CDH7: variants seen among roughly 807,000 people sequenced by gnomAD.
CDH7 encodes cadherin-7.
Under a neutral mutation model 71.8 loss-of-function variants are expected in CDH7, and 25 were observed. The ratio of observed to expected loss-of-function variants is 0.35; its 90% confidence interval spans 0.25 to 0.49. CDH7 has a LOEUF of 0.49. Among genes scored for constraint, CDH7 ranks in the 20% least tolerant of loss-of-function variants. CDH7 has a pLI of 0.99. For synonymous variants in CDH7, 381 were observed against 363.8 expected, an observed-to-expected ratio of 1.05 and a Z score of -0.54; for missense variants, 862 against 974.6, an observed-to-expected ratio of 0.88 and a Z score of 1.54.
At chr18:65,769,559 A>G (rs1916481291) in intron 2 of CDH7, among the ~76,000 whole-genome samples, 1 of 152,202 alleles carries the variant, frequency 6.6e-6, no homozygotes, top group Non-Finnish European at 1.5e-5. Context: ...GTACAATACT[A>G]TTTACTGATT....
intron 2 of CDH7, among the ~76,000 whole-genome samples, chr18:65,781,794 CCT>C (rs1910216007): frequency 5.5e-5 from 4 of 72,380 alleles, no homozygotes; most frequent in African/African-American, 3.7e-4. Flanking sequence ...TTCCTTCCTT[CCT>C]TCCTTCCTTC....
rs761401346 is a variant in CDH7 at position 65,881,201 on chromosome 18, A to T, written c.*307A>T. 10 of 220,022 alleles carry T rather than the reference A, an allele frequency of 4.5e-5. No homozygotes were observed. Among genetic ancestry groups the T allele is most frequent in the Non-Finnish European group, 8.1e-5 (9 of 110,978 alleles). The allele number at this position is 220,022 out of a possible 1,614,324, so 13.6% of individuals were successfully genotyped here. ...TCTCATATACCTGCAAAGGCACCAA[A>T]CCTCTATGAGAAAGTAGTGCCCTGT... On this transcript the variant is annotated 3_prime_UTR_variant, in exon 12 of 12. Transcript: ENST00000397968.
intron 2 of CDH7, among the ~76,000 whole-genome samples, chr18:65,791,257 T>C (rs567847792): frequency 1.8e-3 from 272 of 152,326 alleles, no homozygotes; most frequent in Middle Eastern, 0.01. Flanking sequence ...TGTTACAATG[T>C]TACACATTTA....
At chr18:65,797,073 C>T (rs997223205) in intron 2 of CDH7, among the ~76,000 whole-genome samples, 2 of 152,102 alleles carry the variant, frequency 1.3e-5, no homozygotes, top group Admixed American at 6.5e-5. Context: ...GTGATGTGGT[C>T]CACTCTCTCC....
intron 2 of CDH7, among the ~76,000 whole-genome samples, chr18:65,778,271 C>CAAAA (rs148841669): frequency 1.1e-4 from 9 of 84,338 alleles, no homozygotes; most frequent in East Asian, 4.1e-4. Flanking sequence ...GACTCTGTCT[C>CAAAA]AAAAAAAAAA....
intron 7 of CDH7, among the ~76,000 whole-genome samples, chr18:65,845,011 G>C (rs1912886861): frequency 6.6e-6 from 1 of 151,916 alleles, no homozygotes; most frequent in Non-Finnish European, 1.5e-5. Context: ...AATGGTAAGT[G>C]CTTTTGAACT....
chr18:65,762,990 G>A lies in CDH7; in HGVS notation c.148G>A (p.Val50Met), dbSNP rs963495828. ...SGRSRTKRSW[V>M]WNQFFVLEEY... ...GAGGTCCCGGACCAAGCGCAGCTGGGTGTGGAATCAGTTCTTTGTGCTGGA... is the reference window on the plus strand; with the variant it reads ...GAGGTCCCGGACCAAGCGCAGCTGGATGTGGAATCAGTTCTTTGTGCTGGA... Residue 50 changes from valine to methionine, a missense_variant, in exon 2 of 12, where the codon GTG (valine) becomes ATG (methionine). Coordinates refer to ENST00000397968, the MANE Select transcript of CDH7 (RefSeq NM_004361.5). The A allele has an allele frequency of 3.7e-6, 6 of 1,613,542 alleles. No homozygotes were observed. In the African/African-American group the frequency reaches 5.3e-5, roughly 14 times the overall value.
chr18:65,855,557 T>C (rs1028240228), intron 7 of CDH7, among the ~76,000 whole-genome samples: 3 of 152,220 alleles, frequency 2.0e-5, no homozygotes, highest in Non-Finnish European at 2.9e-5. Flanking sequence ...CAATATGAAA[T>C]AGATAACCTA....
At chr18:65,799,563 C>A (rs1911043207) in intron 2 of CDH7, among the ~76,000 whole-genome samples, 1 of 152,058 alleles carries the variant, frequency 6.6e-6, no homozygotes, top group African/African-American at 2.4e-5. Context: ...GTAGTCCCAG[C>A]TACTCGGGAG....
Position 65,857,803 on chromosome 18 carries a change from A to G in CDH7, c.1236-13A>G. 1 of 1,608,266 alleles carries G rather than the reference A, an allele frequency of 6.2e-7. No individual in the cohort carries two copies. The highest frequency in any genetic ancestry group is 8.5e-7 in the Non-Finnish European group (1 of 1,177,526). ...CATGTTGAAGGCTTTTCTTTTCTTC[A>G]ATGTTCAATTAGGTACTCAATTGAC... is the stretch of plus-strand genomic sequence containing the variant. On this transcript the variant is annotated splice_polypyrimidine_tract_variant and intron_variant, in intron 7 of 11. Transcript: ENST00000397968.
At chr18:65,862,949 G>T (rs1473749811) in intron 11 of CDH7, 32 bp downstream of exon 11, 1 of 1,605,816 alleles carries the variant, frequency 6.2e-7, no homozygotes. Flanking sequence ...TGCTCTGAAA[G>T]AGCTGTCACA....
intron 6 of CDH7, among the ~76,000 whole-genome samples, chr18:65,842,554 G>T (rs1912772972): frequency 6.6e-6 from 1 of 151,726 alleles, no homozygotes; most frequent in Admixed American, 6.6e-5. Flanking sequence ...GTAGCAAAGT[G>T]AATATGCACT....
intron 1 of CDH7, 31 bp downstream of exon 1, chr18:65,751,181 A>C (rs1258117465): frequency 6.6e-6 from 1 of 152,378 alleles, no homozygotes; most frequent in African/African-American, 2.4e-5. Context: ...GGGGCTGGGG[A>C]GGCGCCGCTG....
chr18:65,829,981 G>C (rs565603397), intron 6 of CDH7, among the ~76,000 whole-genome samples: 1 of 151,996 alleles, frequency 6.6e-6, no homozygotes, highest in Admixed American at 6.5e-5. Context: ...CAGCCAACTG[G>C]TCAGTCCTAC....
intron 4 of CDH7, among the ~76,000 whole-genome samples, chr18:65,820,391 T>TA (rs1235312720): frequency 6.6e-6 from 1 of 152,078 alleles, no homozygotes; most frequent in Non-Finnish European, 1.5e-5. Flanking sequence ...AGTTCAGTCA[T>TA]ATGATATTAA....
At chr18:65,808,117 A>C (rs1911391442) in intron 2 of CDH7, among the ~76,000 whole-genome samples, 1 of 152,202 alleles carries the variant, frequency 6.6e-6, no homozygotes, top group South Asian at 2.1e-4. Context: ...TTAAGGGCAG[A>C]TGTGAATATT....
chr18:65,864,423 C>G (rs1282262325), intron 11 of CDH7, among the ~76,000 whole-genome samples: 1 of 145,916 alleles, frequency 6.9e-6, no homozygotes, highest in Admixed American at 6.8e-5. Context: ...TTTTTTTGCT[C>G]ACCAGATATT....
At chr18:65,751,954 T>C (rs1030648675) in intron 1 of CDH7, among the ~76,000 whole-genome samples, 2 of 152,140 alleles carry the variant, frequency 1.3e-5, no homozygotes, top group Non-Finnish European at 2.9e-5. Flanking sequence ...ATAGTTCAGG[T>C]GAGTAAAGAT....
chr18:65,852,653 A>AT (rs1245303184), intron 7 of CDH7, among the ~76,000 whole-genome samples: 1 of 152,074 alleles, frequency 6.6e-6, no homozygotes, highest in East Asian at 1.9e-4. Context: ...TTTGTACCTC[A>AT]TTTTTCAAAA....
Sources: gnomAD v4.1 joint callset for allele counts (sites outside exome capture counted in the v4.1 genomes callset) on GRCh38, gnomAD v4.1.1 for gene constraint, MANE v1.5 for transcripts, NCBI Gene and HGNC (gene_info 2026-07-23, HGNC 2026-07-21) for gene names.